BTBD8: variants seen among roughly 807,000 people sequenced by gnomAD.
BTBD8 encodes the protein BTB/POZ domain-containing protein 8.
Under a neutral mutation model 162.9 loss-of-function variants are expected in BTBD8, and 110 were observed. The observed-to-expected ratio is 0.68, with a 90% CI of 0.58 to 0.79. The LOEUF is 0.79. Among genes scored for constraint, BTBD8 ranks in the 30% least tolerant of loss-of-function variants. The probability of loss-of-function intolerance (pLI) is 0.00; values close to 1 mark genes in which losing one functional copy is unlikely to be tolerated. For synonymous variants in BTBD8, 667 were observed against 716.1 expected, an observed-to-expected ratio of 0.93 and a Z score of 1.10; for missense variants, 1,905 against 2,085.4, an observed-to-expected ratio of 0.91 and a Z score of 1.68.
intron 4 of BTBD8, among the ~76,000 whole-genome samples, chr1:92,114,011 C>CAAAAAAAAAAAAAAAAA (rs35277981): frequency 1.1e-5 from 1 of 95,000 alleles, no homozygotes; most frequent in Non-Finnish European, 2.1e-5. Context: ...GACTCCGTCT[C>CAAAAAAAAAAAAAAAAA]AAAAAAAAAA....
chr1:92,115,305 A>C (rs377042444), intron 4 of BTBD8: 12 of 460,672 alleles, frequency 2.6e-5, no homozygotes, highest in East Asian at 2.1e-4. Flanking sequence ...CCATGATGCC[A>C]GAGTTGTTAT....
In BTBD8 at chr1:92,080,432, C is replaced by T; in HGVS notation, c.-140C>T. The T allele has an allele frequency of 8.0e-7, 1 of 1,257,088 alleles. No homozygotes were observed. The highest frequency in any genetic ancestry group is 1.1e-6 in the Non-Finnish European group (1 of 927,958). The allele number at this position is 1,257,088 out of a possible 1,614,324, so 77.9% of individuals were successfully genotyped here. On this transcript the variant is annotated 5_prime_UTR_variant, in exon 1 of 18. The change creates a new upstream start codon in the 5' untranslated region. Coordinates refer to ENST00000636805, the MANE Select transcript of BTBD8 (RefSeq NM_001376131.1). The stretch of plus-strand genomic sequence containing the variant: ...CTCTGGGAGACTGTCTACAAACCGA[C>T]GAGAGGCGTCAACCTTTTACCCTAG...
chr1:92,091,530 G>T (rs1477597363), intron 2 of BTBD8, among the ~76,000 whole-genome samples: 1 of 151,746 alleles, frequency 6.6e-6, no homozygotes, highest in East Asian at 1.9e-4. Context: ...TCGTAGGCTG[G>T]TCTCTCTTTT....
intron 2 of BTBD8, among the ~76,000 whole-genome samples, chr1:92,096,817 T>TA (rs1315866955): frequency 6.6e-6 from 1 of 152,136 alleles, no homozygotes; most frequent in Non-Finnish European, 1.5e-5. Context: ...AGATTACAGG[T>TA]ATGAGCCATA....
chr1:92,150,699 C>T (rs1386324310), intron 9 of BTBD8: 1 of 152,184 alleles, frequency 6.6e-6, no homozygotes, highest in Non-Finnish European at 1.5e-5. Flanking sequence ...GCACTCACAG[C>T]ACAGAACACT....
chr1:92,128,090 C>T (rs1450780799), intron 4 of BTBD8, among the ~76,000 whole-genome samples: 1 of 152,040 alleles, frequency 6.6e-6, no homozygotes, highest in African/African-American at 2.4e-5. Flanking sequence ...TTACGAGTTA[C>T]ATTATTCCAA....
intron 4 of BTBD8, among the ~76,000 whole-genome samples, chr1:92,124,817 T>A (rs1649309070): frequency 6.6e-6 from 1 of 152,196 alleles, no homozygotes; most frequent in East Asian, 1.9e-4. Flanking sequence ...ATATCTTTCT[T>A]GTCATTTTTT....
chr1:92,130,900 G>T (rs557842184), intron 5 of BTBD8, among the ~76,000 whole-genome samples: 57 of 152,182 alleles, frequency 3.7e-4, no homozygotes, highest in African/African-American at 1.3e-3. Flanking sequence ...ATGGGGTTTT[G>T]CCATGTTGGC....
intron 2 of BTBD8, 115 bp downstream of exon 2, chr1:92,089,010 T>G (rs1648231380): frequency 1.0e-6 from 1 of 978,644 alleles, no homozygotes; most frequent in Non-Finnish European, 1.5e-6. Context: ...AAAAATCCAT[T>G]CACTTAAATT....
At chr1:92,090,089 T>C (rs540009446) in intron 2 of BTBD8, among the ~76,000 whole-genome samples, 145 of 152,350 alleles carry the variant, frequency 9.5e-4, no homozygotes, top group Non-Finnish European at 2.0e-3. Flanking sequence ...TGATGAATAA[T>C]GCTGCTATAA....
chr1:92,149,786 C>T (rs1027491981), intron 9 of BTBD8, among the ~76,000 whole-genome samples: 1 of 152,154 alleles, frequency 6.6e-6, no homozygotes, highest in African/African-American at 2.4e-5. Flanking sequence ...TCTCTTACTC[C>T]GGGCCAGGTA....
Position 92,147,195 on chromosome 1 carries a change from T to TTGAC in BTBD8, c.947_950dup (p.Ser318AspfsTer21). On this transcript the variant is annotated frameshift_variant, in exon 8 of 18. Coordinates refer to ENST00000636805, the MANE Select transcript of BTBD8 (RefSeq NM_001376131.1). LOFTEE classifies it high-confidence loss of function. ...TCAATTTTAGCCTGTTCCCAGAACA[T>TTGAC]TGACGTCTATACTAGAATGCCTGAT... The TTGAC allele has an allele frequency of 6.2e-7, 1 of 1,608,414 alleles. No individual in the cohort carries two copies. The highest frequency in any genetic ancestry group is 8.5e-7 in the Non-Finnish European group (1 of 1,177,608).
At chr1:92,144,544 A>G (rs1439154663) in intron 7 of BTBD8, among the ~76,000 whole-genome samples, 6 of 150,954 alleles carry the variant, frequency 4.0e-5, no homozygotes, top group African/African-American at 1.5e-4. Flanking sequence ...GTGGAGGCTC[A>G]TGTCTGTAAT....
In BTBD8 at chr1:92,147,670, T is replaced by C. The variant is rs1649956782; in HGVS notation, c.1020-14T>C. ...TCTTAATTTCTTTAACGTGGTATTC[T>C]TTTATTTTAACAGGTGGATTGTAAA... On this transcript the variant is annotated splice_polypyrimidine_tract_variant and intron_variant, in intron 8 of 17. Coordinates refer to ENST00000636805, the MANE Select transcript of BTBD8 (RefSeq NM_001376131.1). 1.3e-6 allele frequency: 2 copies of C among 1,583,712 alleles called. No individual in the cohort carries two copies. Among genetic ancestry groups the C allele is most frequent in the Non-Finnish European group, 8.6e-7 (1 of 1,164,910 alleles).
At chr1:92,182,956 A>G (rs1400590581) in intron 17 of BTBD8, among the ~76,000 whole-genome samples, 1 of 152,074 alleles carries the variant, frequency 6.6e-6, no homozygotes, top group Non-Finnish European at 1.5e-5. Context: ...ATTGGATATG[A>G]TTTATAGACT....
chr1:92,171,175 A>G (rs1650532061), intron 12 of BTBD8, among the ~76,000 whole-genome samples: 1 of 152,030 alleles, frequency 6.6e-6, no homozygotes, highest in African/African-American at 2.4e-5. Context: ...ATTAATTTTA[A>G]TAACATAAAA....
intron 4 of BTBD8, among the ~76,000 whole-genome samples, chr1:92,123,256 G>A (rs1320689685): frequency 6.6e-6 from 1 of 152,172 alleles, no homozygotes; most frequent in East Asian, 1.9e-4. Context: ...CTGCTTTATA[G>A]TAAGTGACAT....
At chr1:92,090,594 A>G (rs1471743351) in intron 2 of BTBD8, among the ~76,000 whole-genome samples, 1 of 152,106 alleles carries the variant, frequency 6.6e-6, no homozygotes, top group Non-Finnish European at 1.5e-5. Context: ...TTGTCTTTTC[A>G]CTTTCACGAT....
intron 9 of BTBD8, among the ~76,000 whole-genome samples, chr1:92,156,082 T>G (rs951679715): frequency 1.3e-5 from 2 of 152,206 alleles, no homozygotes; most frequent in Non-Finnish European, 2.9e-5. Flanking sequence ...CTCTATTATG[T>G]TGAGATAATT....
Sources: gnomAD v4.1 joint callset for allele counts (sites outside exome capture counted in the v4.1 genomes callset) on GRCh38, gnomAD v4.1.1 for gene constraint, MANE v1.5 for transcripts, NCBI Gene and HGNC (gene_info 2026-07-23, HGNC 2026-07-21) for gene names.